Variants in UBA6 observed in about 807,000 individuals in gnomAD.
The protein encoded by UBA6 is ubiquitin-like modifier-activating enzyme 6.
Under a neutral mutation model 148.3 loss-of-function variants are expected in UBA6, and 87 were observed. The observed-to-expected ratio is 0.59, with a 90% CI of 0.49 to 0.70. The LOEUF is 0.70. Among genes scored for constraint, UBA6 ranks in the 30% least tolerant of loss-of-function variants. The pLI, the probability that UBA6 is intolerant of heterozygous loss-of-function variation, is 0.00. For synonymous variants in UBA6, 376 were observed against 401.0 expected, an observed-to-expected ratio of 0.94 and a Z score of 0.75; for missense variants, 1,186 against 1,241.2, an observed-to-expected ratio of 0.96 and a Z score of 0.67.
In UBA6 at chr4:67,649,112, C is replaced by G; in HGVS notation, c.1204G>C (p.Val402Leu). The G allele has an allele frequency of 1.2e-6, 2 of 1,614,116 alleles. No individual in the cohort carries two copies. Among genetic ancestry groups the G allele is most frequent in the East Asian group, 2.2e-5 (1 of 44,876 alleles). The part of the protein sequence containing the change: ...AAVGGVASQE[V>L]LKAVTGKFSP... ...AATTTTCCTGTTACAGCTTTCAATA[C>G]TTCTTGGCTGGCAACACCTCCTACT... is the stretch of plus-strand genomic sequence containing the variant. The change falls in exon 14 of 33, where the codon GTA becomes CTA. Residue 402 changes from valine to leucine, a missense_variant. Physicochemically the swap from Val to Leu is conservative, Grantham distance 32. Transcript: ENST00000322244.
chr4:67,684,747 T>C (rs188273142), intron 2 of UBA6, among the ~76,000 whole-genome samples: 1 of 152,326 alleles, frequency 6.6e-6, no homozygotes, highest in Admixed American at 6.5e-5. Context: ...ATTTCAAAAA[T>C]CTTCCACTAC....
At chr4:67,628,964 G>T (rs1183509586) in intron 27 of UBA6, 107 bp downstream of exon 27, 4 of 780,374 alleles carry the variant, frequency 5.1e-6, no homozygotes, top group East Asian at 5.1e-5. Flanking sequence ...ACTGACAAGA[G>T]CAAGAGCAAG....
intron 16 of UBA6, among the ~76,000 whole-genome samples, chr4:67,644,997 T>G (rs1200134626): frequency 6.6e-6 from 1 of 151,912 alleles, no homozygotes; most frequent in Admixed American, 6.6e-5. Context: ...AAGATAGAAA[T>G]AAACACAATA....
intron 13 of UBA6, among the ~76,000 whole-genome samples, chr4:67,655,392 A>C (rs1729661653): frequency 6.6e-6 from 1 of 152,220 alleles, no homozygotes; most frequent in Non-Finnish European, 1.5e-5. Context: ...AACTCACTCA[A>C]AACCGCACAA....
rs371590959 is a variant in UBA6, at chr4:67,700,955, C to A, written c.71+94G>T. On this transcript the variant is annotated intron_variant, in intron 1 of 32. Coordinates refer to ENST00000322244, the MANE Select transcript of UBA6 (RefSeq NM_018227.6). ...GGCTCTGCTCGGCCCCGCGGCCTCT[C>A]GGGCGCCCCCAGCCCGCCGGAAAGA... The A allele has an allele frequency of 3.5e-4, 533 of 1,517,962 alleles. 1 individual carries two copies. In the African/African-American group the frequency reaches 6.7e-3, roughly 19 times the overall value. The allele number at this position is 1,517,962 out of a possible 1,614,324, so 94.0% of individuals were successfully genotyped here.
intron 6 of UBA6, among the ~76,000 whole-genome samples, chr4:67,677,264 A>C (rs1730304061): frequency 6.6e-6 from 1 of 152,198 alleles, no homozygotes; most frequent in Admixed American, 6.5e-5. Flanking sequence ...GGGAGAACCC[A>C]AACTCTGGAG....
rs900855862 is a variant in UBA6, at chr4:67,615,520, A to G, written c.*3477T>C. On this transcript the variant is annotated 3_prime_UTR_variant, in exon 33 of 33. Transcript: ENST00000322244. ...TCATCTAATAAAATTTAAGATATGA[A>G]TACCCTATGACCAAAAAATTCTACT... The G allele has an allele frequency of 6.6e-6, 1 of 152,200 alleles. No homozygotes were observed. The highest frequency in any genetic ancestry group is 1.5e-5 in the Non-Finnish European group (1 of 68,040). The allele number at this position is 152,200 out of a possible 1,614,324, so 9.4% of individuals were successfully genotyped here. A position where few individuals can be genotyped will look rare whatever the true frequency, so the allele number is the denominator to read the frequency against.
chr4:67,635,413 T>C (rs1163604846), intron 20 of UBA6, 40 bp downstream of exon 20: 2 of 1,248,490 alleles, frequency 1.6e-6, no homozygotes, highest in Admixed American at 1.8e-5. Flanking sequence ...AATTACAAGA[T>C]ATAAAAAAGA....
At chr4:67,667,804 C>T (rs375958589) in intron 9 of UBA6, among the ~76,000 whole-genome samples, 3 of 152,124 alleles carry the variant, frequency 2.0e-5, no homozygotes, top group South Asian at 2.1e-4. Context: ...CTCCTGGTTT[C>T]GGCACCTTTC....
chr4:67,620,555 A>G (rs1728728993), intron 32 of UBA6, among the ~76,000 whole-genome samples: 1 of 152,222 alleles, frequency 6.6e-6, no homozygotes. Context: ...CATTAGAGTG[A>G]GTATTCAAGG....
At position 67,696,442 on chromosome 4, in the gene UBA6, CATATACACATATATATACATATACAT is replaced by C. The variant is rs1227297763; in HGVS notation, c.134+177_134+202del. Reference sequence around the variant, plus strand: ...ACATATATACACACATATATATACACATATACACATATATATACATATACATATATACACATATATACACACACATA... The same window carrying C: ...ACATATATACACACATATATATACACATATACACATATATACACACACATA... On this transcript the variant is annotated intron_variant, in intron 2 of 32. Transcript: ENST00000322244. Among the ~76,000 whole-genome samples the C allele has an allele frequency of 3.9e-4, 51 of 129,740 alleles. 1 individual carries two copies. Among genetic ancestry groups the C allele is most frequent in the Non-Finnish European group, 6.0e-4 (35 of 58,284 alleles). 85.1% of individuals were successfully genotyped at this position (129,740 alleles called of 152,430 possible). A position where few individuals can be genotyped will look rare whatever the true frequency, so the allele number is the denominator to read the frequency against.
intron 2 of UBA6, among the ~76,000 whole-genome samples, chr4:67,687,992 T>C (rs1180166948): frequency 6.6e-6 from 1 of 151,774 alleles, no homozygotes; most frequent in African/African-American, 2.4e-5. Flanking sequence ...GAAAGAAGAG[T>C]CATAGTAGTA....
rs575412633 is a variant in UBA6, at chr4:67,618,844, C to T, written c.*153G>A. 1.1e-5 allele frequency: 8 copies of T among 718,184 alleles called. No individual in the cohort carries two copies. In the African/African-American group the frequency reaches 1.3e-4, roughly 11 times the overall value. 44.5% of individuals were successfully genotyped at this position (718,184 alleles called of 1,614,324 possible). On this transcript the variant is annotated 3_prime_UTR_variant, in exon 33 of 33. Transcript: ENST00000322244. Reference sequence around the variant, plus strand: ...CTATGCCCCAAAATGTTTTATAATTCTTCAGTGCAGTTTCTTACTGATGTT... The same window carrying T: ...CTATGCCCCAAAATGTTTTATAATTTTTCAGTGCAGTTTCTTACTGATGTT...
chr4:67,688,415 C>A (rs2109956287), intron 2 of UBA6, among the ~76,000 whole-genome samples: 1 of 152,100 alleles, frequency 6.6e-6, no homozygotes, highest in African/African-American at 2.4e-5. Context: ...ATTCACCTAA[C>A]AATAAAGACC....
intron 2 of UBA6, among the ~76,000 whole-genome samples, chr4:67,694,981 T>C (rs1329818431): frequency 2.0e-5 from 3 of 152,248 alleles, no homozygotes; most frequent in African/African-American, 7.2e-5. Context: ...TGCTATATTC[T>C]ATAACTCTCA....
rs375331148 is a variant in UBA6, at chr4:67,701,098, C to T, written c.22G>A (p.Ala8Thr). The change falls in exon 1 of 33, where the codon GCC becomes ACC. Residue 8 changes from alanine (A) to threonine (T), a missense_variant. Coordinates refer to ENST00000322244, the MANE Select transcript of UBA6 (RefSeq NM_018227.6). MEGSEPVAAHQGEEASCS... is the reference protein window; with the variant it reads MEGSEPVTAHQGEEASCS... ...GACGCCTCTTCCCCCTGATGGGCGG[C>T]CACAGGCTCGGATCCTTCCATTGCC... The T allele has an allele frequency of 7.4e-6, 12 of 1,613,688 alleles. No individual in the cohort carries two copies. Among genetic ancestry groups the T allele is most frequent in the African/African-American group, 2.7e-5 (2 of 75,042 alleles).
intron 11 of UBA6, 120 bp downstream of exon 11, chr4:67,663,765 A>G: frequency 1.3e-6 from 1 of 792,124 alleles, no homozygotes. Context: ...TATTATACTC[A>G]CATTATAAGG....
At chr4:67,687,829 C>A (rs1009431700) in intron 2 of UBA6, among the ~76,000 whole-genome samples, 8 of 152,260 alleles carry the variant, frequency 5.3e-5, no homozygotes, top group African/African-American at 1.9e-4. Context: ...TTTAAATAAT[C>A]AGTACCACAA....
Position 67,616,379 on chromosome 4 carries a change from T to G in UBA6, c.*2618A>C. On this transcript the variant is annotated 3_prime_UTR_variant, in exon 33 of 33. Coordinates refer to ENST00000322244, the MANE Select transcript of UBA6 (RefSeq NM_018227.6). ...CATTTTACTAATTATAAAATAAACA[T>G]AGTTGCTTTTTTAATGTTCCATGAA... 1 of 344,844 alleles carries G rather than the reference T, an allele frequency of 2.9e-6. No homozygotes were observed. The highest frequency in any genetic ancestry group is 5.2e-6 in the Non-Finnish European group (1 of 192,854). The allele number at this position is 344,844 out of a possible 1,614,324, so 21.4% of individuals were successfully genotyped here. A position where few individuals can be genotyped will look rare whatever the true frequency, so the allele number is the denominator to read the frequency against.
Sources: gnomAD v4.1 joint callset for allele counts (sites outside exome capture counted in the v4.1 genomes callset) on GRCh38, gnomAD v4.1.1 for gene constraint, MANE v1.5 for transcripts, NCBI Gene and HGNC (gene_info 2026-07-23, HGNC 2026-07-21) for gene names.